Variants in DPY19L3 observed in about 807,000 individuals in gnomAD.
DPY19L3 encodes protein C-mannosyl-transferase DPY19L3.
Under a neutral mutation model 92.3 loss-of-function variants are expected in DPY19L3, and 51 were observed. That is an observed-to-expected ratio of 0.55 (90% confidence interval 0.44 to 0.70). The LOEUF (loss-of-function observed/expected upper bound fraction) is 0.70. Ranked by LOEUF, DPY19L3 falls within the 30% of genes least tolerant of loss-of-function variation. The pLI, the probability that DPY19L3 is intolerant of heterozygous loss-of-function variation, is 0.00. For missense variants in DPY19L3, 706 were observed against 855.9 expected, an observed-to-expected ratio of 0.82 and a Z score of 2.18; for synonymous variants, 309 against 315.2, an observed-to-expected ratio of 0.98 and a Z score of 0.21.
chr19:32,424,441 A>G (rs923028623), intron 3 of DPY19L3, among the ~76,000 whole-genome samples: 13 of 152,076 alleles, frequency 8.5e-5, no homozygotes, highest in African/African-American at 2.4e-4. Flanking sequence ...CCTGGGCAAC[A>G]TGGTGAAAAC....
chr19:32,460,906 C>A (rs1422344173), intron 12 of DPY19L3, among the ~76,000 whole-genome samples: 1 of 146,628 alleles, frequency 6.8e-6, no homozygotes, highest in Admixed American at 6.8e-5. Flanking sequence ...CTCGCTCTTG[C>A]CTGGGCTGGA....
intron 6 of DPY19L3, among the ~76,000 whole-genome samples, chr19:32,438,064 G>A (rs987831117): frequency 4.6e-5 from 7 of 152,104 alleles, no homozygotes; most frequent in South Asian, 2.1e-4. Flanking sequence ...ATGCAAGGGC[G>A]TTTTTGCCTT....
chr19:32,433,976 T>C (rs972073559), intron 4 of DPY19L3, among the ~76,000 whole-genome samples: 4 of 152,190 alleles, frequency 2.6e-5, no homozygotes, highest in African/African-American at 9.6e-5. Context: ...CCTTATTTAT[T>C]AGTTGGAACT....
Position 32,485,186 on chromosome 19 carries a change from T to C in DPY19L3, c.*2946T>C, listed in dbSNP as rs1254779317. The C allele has an allele frequency of 6.6e-6, 1 of 152,200 alleles. No homozygotes were observed. The highest frequency in any genetic ancestry group is 6.5e-5 in the Admixed American group (1 of 15,280). The allele number at this position is 152,200 out of a possible 1,614,324, so 9.4% of individuals were successfully genotyped here. On this transcript the variant is annotated 3_prime_UTR_variant, in exon 19 of 19. Transcript: ENST00000392250. ...CCCTACTTTAACCTACTTACTTTATTAAATGACCAACTACTGATACTGATC... is the reference window on the plus strand; with the variant it reads ...CCCTACTTTAACCTACTTACTTTATCAAATGACCAACTACTGATACTGATC...
At chr19:32,411,400 A>G (rs772979698) in intron 3 of DPY19L3, 28 bp downstream of exon 3, 5 of 1,613,034 alleles carry the variant, frequency 3.1e-6, no homozygotes, top group Admixed American at 3.3e-5. Context: ...CCATTGTATC[A>G]TTCACTCAGT....
Position 32,453,231 on chromosome 19 carries a change from G to T in DPY19L3, c.942G>T (p.Leu314=). The change falls in exon 9 of 19, where the codon CTG becomes CTT. Residue 314 remains leucine, a synonymous_variant. Transcript: ENST00000392250. ...QFFNSMILGS[L]LISFNLSVFI... Reference sequence around the variant, plus strand: ...TTAATTCCATGATTCTTGGATCACTGCTTATCAGTTTTAACCTTTCAGTAT... The same window carrying T: ...TTAATTCCATGATTCTTGGATCACTTCTTATCAGTTTTAACCTTTCAGTAT... 6.2e-7 allele frequency: 1 copy of T among 1,613,824 alleles called. No homozygotes were observed. Among genetic ancestry groups the T allele is most frequent in the Admixed American group, 1.7e-5 (1 of 59,998 alleles).
At chr19:32,411,740 G>A (rs1968190988) in intron 3 of DPY19L3, 1 of 245,570 alleles carries the variant, frequency 4.1e-6, no homozygotes, top group Admixed American at 5.4e-5. Flanking sequence ...GCTAATTTTT[G>A]TATTTTTACT....
At chr19:32,438,086 A>G (rs868045943) in intron 6 of DPY19L3, among the ~76,000 whole-genome samples, 120 of 152,330 alleles carry the variant, frequency 7.9e-4, no homozygotes, top group African/African-American at 2.6e-3. Flanking sequence ...TTTAATATCT[A>G]CTATTATAAG....
At chr19:32,437,598 C>G (rs1035766780) in intron 6 of DPY19L3, among the ~76,000 whole-genome samples, 5 of 152,106 alleles carry the variant, frequency 3.3e-5, no homozygotes, top group African/African-American at 1.2e-4. Flanking sequence ...AACCTATTAT[C>G]TGTTTGCTGG....
intron 17 of DPY19L3, chr19:32,479,458 G>A (rs1289493605): frequency 7.3e-6 from 2 of 273,874 alleles, no homozygotes; most frequent in African/African-American, 2.3e-5. Context: ...TCTTCATCAG[G>A]ACCCTGGAAC....
At chr19:32,435,342 A>G (rs1320571167) in intron 4 of DPY19L3, among the ~76,000 whole-genome samples, 2 of 152,216 alleles carry the variant, frequency 1.3e-5, no homozygotes, top group Admixed American at 6.5e-5. Flanking sequence ...GACACATTTC[A>G]GTCCACAGCA....
At chr19:32,420,813 A>G (rs971300192) in intron 3 of DPY19L3, among the ~76,000 whole-genome samples, 1 of 152,116 alleles carries the variant, frequency 6.6e-6, no homozygotes, top group African/African-American at 2.4e-5. Context: ...TTGAGTGTGT[A>G]TTGTTTTTTA....
chr19:32,448,300 T>C (rs890800547), intron 8 of DPY19L3, among the ~76,000 whole-genome samples: 3 of 152,114 alleles, frequency 2.0e-5, no homozygotes, highest in African/African-American at 7.2e-5. Context: ...TTATGAATGG[T>C]GATGAGGAGC....
At chr19:32,472,300 A>C (rs1009221278) in intron 16 of DPY19L3, among the ~76,000 whole-genome samples, 1 of 152,056 alleles carries the variant, frequency 6.6e-6, no homozygotes, top group African/African-American at 2.4e-5. Context: ...GACATTTGAC[A>C]TGTTGTTAAA....
intron 12 of DPY19L3, among the ~76,000 whole-genome samples, chr19:32,461,698 C>T (rs939560619): frequency 2.6e-5 from 4 of 152,046 alleles, no homozygotes; most frequent in Non-Finnish European, 5.9e-5. Flanking sequence ...AAAAAAGTCT[C>T]TAGTTACATA....
intron 16 of DPY19L3, among the ~76,000 whole-genome samples, chr19:32,471,878 T>C (rs1194324661): frequency 6.6e-6 from 1 of 152,200 alleles, no homozygotes; most frequent in Non-Finnish European, 1.5e-5. Flanking sequence ...CTGTGAAGAC[T>C]CTTAAAGCCT....
At chr19:32,452,311 T>TAGCA (rs1969727223) in intron 8 of DPY19L3, among the ~76,000 whole-genome samples, 3 of 152,234 alleles carry the variant, frequency 2.0e-5, no homozygotes, top group African/African-American at 7.2e-5. Context: ...CCCAGTGTAC[T>TAGCA]GTGCTGCCTG....
intron 6 of DPY19L3, 31 bp from the exon 7 acceptor site, chr19:32,439,081 A>G: frequency 6.3e-7 from 1 of 1,580,238 alleles, no homozygotes; most frequent in Non-Finnish European, 8.6e-7. Flanking sequence ...AAAAACTATC[A>G]CTTTGGCCAT....
chr19:32,468,043 C>T, intron 15 of DPY19L3: 1 of 985,118 alleles, frequency 1.0e-6, no homozygotes. Context: ...AACCATTTGA[C>T]CAGATTTCTA....
Sources: allele counts gnomAD v4.1 joint callset (sites outside exome capture counted in the v4.1 genomes callset), GRCh38; gene constraint gnomAD v4.1.1; transcripts MANE v1.5; gene names NCBI Gene and HGNC (gene_info 2026-07-23, HGNC 2026-07-21).